The following KATNIP variants were observed in gnomAD, a reference collection of about 807,000 sequenced individuals.
KATNIP encodes the protein katanin interacting protein.
KATNIP carries 126 observed loss-of-function variants against 174.0 expected under a neutral mutation model. The ratio of observed to expected loss-of-function variants is 0.72; its 90% CI spans 0.63 to 0.84. The LOEUF is 0.84. Ranked by LOEUF, KATNIP falls within the 40% of genes least tolerant of loss-of-function variation. The pLI is 0.00. For synonymous variants in KATNIP, 810 were observed against 835.7 expected (o/e 0.97, Z 0.53); for missense variants, 1,958 against 2,109.7 (o/e 0.93, Z 1.41).
intron 6 of KATNIP, among the ~76,000 whole-genome samples, chr16:27,676,514 T>C (rs938388675): frequency 6.6e-5 from 10 of 152,202 alleles, no homozygotes; most frequent in African/African-American, 2.4e-4. Context: ...GGAGCCCTTA[T>C]TCAGCCTACT....
At chr16:27,561,940 A>C (rs1289050349) in intron 1 of KATNIP, among the ~76,000 whole-genome samples, 1 of 152,222 alleles carries the variant, frequency 6.6e-6, no homozygotes, top group Non-Finnish European at 1.5e-5. Context: ...TTATTTCATT[A>C]TGCTGCTTGT....
intron 2 of KATNIP, among the ~76,000 whole-genome samples, chr16:27,616,887 TAAAAAAAAAAAAAAAAAAAAAAAAA>T (rs556687403): frequency 1.6e-4 from 5 of 31,384 alleles, no homozygotes; most frequent in African/African-American, 2.7e-4. Flanking sequence ...CCATCTCTAC[TAAAAAAAAAAAAAAAAAAAAAAAAA>T]AAAAAAAAAA....
chr16:27,629,327 C>T (rs1054612075), intron 4 of KATNIP, among the ~76,000 whole-genome samples: 1 of 152,176 alleles, frequency 6.6e-6, no homozygotes, highest in Non-Finnish European at 1.5e-5. Context: ...TCTACTACCC[C>T]AGAGCAAAGG....
chr16:27,605,258 T>C (rs1356083997), intron 2 of KATNIP, among the ~76,000 whole-genome samples: 1 of 152,204 alleles, frequency 6.6e-6, no homozygotes, highest in African/African-American at 2.4e-5. Context: ...TCTTCTATCT[T>C]TGTGAGTCTG....
intron 5 of KATNIP, chr16:27,632,514 G>A: frequency 4.6e-6 from 2 of 432,510 alleles, no homozygotes; most frequent in South Asian, 1.6e-5. Context: ...TGAGGGTGGA[G>A]GTTTTGGCCT....
intron 23 of KATNIP, 28 bp downstream of exon 23, chr16:27,773,237 C>G: frequency 6.8e-7 from 1 of 1,475,488 alleles, no homozygotes; most frequent in African/African-American, 1.4e-5. Context: ...GGAGTGGGCT[C>G]CACCCAGACT....
At chr16:27,572,489 G>A (rs2090344840) in intron 1 of KATNIP, among the ~76,000 whole-genome samples, 2 of 151,798 alleles carry the variant, frequency 1.3e-5, no homozygotes, top group Non-Finnish European at 2.9e-5. Flanking sequence ...CAAGGCTTGT[G>A]GCTGGTAGTA....
chr16:27,641,320 A>G (rs1444444610), intron 5 of KATNIP, among the ~76,000 whole-genome samples: 1 of 151,356 alleles, frequency 6.6e-6, no homozygotes, highest in African/African-American at 2.4e-5. Flanking sequence ...TCATCTCTCA[A>G]CCCCCCCTGT....
At chr16:27,628,052 G>C (rs542767101) in intron 3 of KATNIP, among the ~76,000 whole-genome samples, 5 of 152,168 alleles carry the variant, frequency 3.3e-5, no homozygotes, top group African/African-American at 1.2e-4. Context: ...TTGAACCAAC[G>C]CCTGCATTGA....
chr16:27,741,272 A>G (rs2081098226), intron 15 of KATNIP, among the ~76,000 whole-genome samples: 2 of 151,996 alleles, frequency 1.3e-5, no homozygotes, highest in South Asian at 4.2e-4. Flanking sequence ...CTTTATCCTT[A>G]ACTGTACTGT....
intron 13 of KATNIP, among the ~76,000 whole-genome samples, chr16:27,713,809 CATATATATATATAT>C (rs60005285): frequency 0.016 from 535 of 33,356 alleles, 12 homozygotes; most frequent in African/African-American, 0.029. Context: ...TGTGTATATA[CATATATATATATAT>C]ATATATATAT....
intron 2 of KATNIP, among the ~76,000 whole-genome samples, chr16:27,608,068 C>T (rs1011253487): frequency 2.0e-5 from 3 of 152,168 alleles, no homozygotes; most frequent in African/African-American, 7.2e-5. Flanking sequence ...CACTCATCAG[C>T]CCTGTTGAGG....
chr16:27,623,952 A>G (rs2142103043), intron 3 of KATNIP, among the ~76,000 whole-genome samples: 1 of 152,074 alleles, frequency 6.6e-6, no homozygotes, highest in East Asian at 1.9e-4. Flanking sequence ...CATGACCTTG[A>G]GCAAGTCCCT....
At chr16:27,650,884 T>C (rs1016622460) in intron 6 of KATNIP, among the ~76,000 whole-genome samples, 2 of 152,220 alleles carry the variant, frequency 1.3e-5, no homozygotes, top group African/African-American at 4.8e-5. Flanking sequence ...TTGTGGACTT[T>C]ATTACCTTTA....
rs1567378343 is a variant in KATNIP, at chr16:27,740,759, A to G, written c.2462A>G (p.Asn821Ser). 1 of 1,614,212 alleles carries G rather than the reference A, an allele frequency of 6.2e-7. No individual in the cohort carries two copies. The highest frequency in any genetic ancestry group is 1.1e-5 in the South Asian group (1 of 91,078). The change falls in exon 15 of 28, where the codon AAC (asparagine) becomes AGC (serine). Residue 821 changes from asparagine to serine, a missense_variant. Physicochemically the swap from Asn to Ser is conservative, Grantham distance 46 (BLOSUM62 1). Around this residue, in one of 3 missense-constraint regions of KATNIP, gnomAD observed 1,557 missense variants for 1,617.8 expected, o/e 0.96. Transcript: ENST00000261588. ...EPGWGTSRSV[N>S]TKERPQRATT... ...GGGTGGGGGACCAGCCGGAGTGTCA[A>G]CACCAAGGAGAGACCCCAGAGGGCA...
chr16:27,760,411 A>C (rs1407720858), intron 18 of KATNIP, among the ~76,000 whole-genome samples: 1 of 152,200 alleles, frequency 6.6e-6, no homozygotes, highest in South Asian at 2.1e-4. Flanking sequence ...TCCTGGGCAA[A>C]TGAATGACAT....
At chr16:27,578,676 T>G (rs1169864052) in intron 2 of KATNIP, among the ~76,000 whole-genome samples, 2 of 152,116 alleles carry the variant, frequency 1.3e-5, no homozygotes, top group East Asian at 1.9e-4. Flanking sequence ...CTCCCGGGTT[T>G]AAGTGATCCT....
In KATNIP at chr16:27,750,048, G is replaced by A. The variant is rs141253001; in HGVS notation, c.3088G>A (p.Val1030Met). Residue 1030 changes from valine to methionine, a missense_variant, in exon 16 of 28, where the codon GTG (valine) becomes ATG (methionine). Physicochemically the swap from Val to Met is conservative, Grantham distance 21. Around this residue, in one of 3 missense-constraint regions of KATNIP, gnomAD observed 1,557 missense variants for 1,617.8 expected, o/e 0.96. Transcript: ENST00000261588. Reference protein sequence around the residue: ...ILPAYGKDPRVVTNLIDGVNR... With the variant: ...ILPAYGKDPRMVTNLIDGVNR... Reference sequence around the variant, plus strand: ...ACCAGCCTATGGGAAAGACCCCCGCGTGGTCACCAACCTCATCGACGGGGT... The same window carrying A: ...ACCAGCCTATGGGAAAGACCCCCGCATGGTCACCAACCTCATCGACGGGGT... 37 of 1,614,160 alleles carry A rather than the reference G, an allele frequency of 2.3e-5. No individual in the cohort carries two copies. The highest frequency in any genetic ancestry group is 2.3e-4 in the African/African-American group (17 of 75,024).
intron 8 of KATNIP, among the ~76,000 whole-genome samples, chr16:27,686,957 G>T (rs1381102079): frequency 1.3e-5 from 2 of 152,092 alleles, no homozygotes; most frequent in African/African-American, 2.4e-5. Context: ...TATTTCTAGT[G>T]ATTATTACTA....
Sources: allele counts gnomAD v4.1 joint callset (sites outside exome capture counted in the v4.1 genomes callset), GRCh38; gene constraint gnomAD v4.1.1; regional missense constraint gnomAD v4.1.1; transcripts MANE v1.5; gene names NCBI Gene and HGNC (gene_info 2026-07-23, HGNC 2026-07-21).